The following RBFOX1 variants were observed in gnomAD, a reference collection of about 807,000 sequenced individuals.
RBFOX1 encodes the protein RNA binding protein fox-1 homolog 1.
RBFOX1 carries 8 observed loss-of-function variants against 57.7 expected under a neutral mutation model. The observed-to-expected ratio is 0.14, with a 90% confidence interval of 0.08 to 0.25. RBFOX1 has a LOEUF of 0.25. Ranked by LOEUF, RBFOX1 falls within the 10% of genes least tolerant of loss-of-function variation. RBFOX1 has a pLI of 1.00. For synonymous variants in RBFOX1, 326 were observed against 222.4 expected, an observed-to-expected ratio of 1.47 and a Z score of -4.15; for missense variants, 611 against 548.5, an observed-to-expected ratio of 1.11 and a Z score of -1.14.
intron 2 of RBFOX1, chr16:6,483,910 A>C (rs2095417579): frequency 1.2e-5 from 13 of 1,099,372 alleles, no homozygotes; most frequent in Non-Finnish European, 1.4e-5. Context: ...CGTGAATGGG[A>C]CGCGGTATGT....
chr16:6,932,315 C>G (rs1160222232), intron 3 of RBFOX1, among the ~76,000 whole-genome samples: 2 of 152,086 alleles, frequency 1.3e-5, no homozygotes, highest in Non-Finnish European at 2.9e-5. Flanking sequence ...CCCTGTTGGC[C>G]AAGCTGGTCT....
At chr16:7,254,184 T>C (rs1269057649) in intron 4 of RBFOX1, among the ~76,000 whole-genome samples, 2 of 152,140 alleles carry the variant, frequency 1.3e-5, no homozygotes, top group African/African-American at 4.8e-5. Flanking sequence ...ATGAAATAGT[T>C]TGCCTGAAAT....
chr16:6,292,888 A>G (rs898761538), intron 1 of RBFOX1, among the ~76,000 whole-genome samples: 4 of 152,130 alleles, frequency 2.6e-5, no homozygotes, highest in African/African-American at 7.2e-5. Flanking sequence ...AAAATTCTAG[A>G]CTGACATTCA....
chr16:5,793,248 C>T (rs1471073632), intron 3 of RBFOX1, among the ~76,000 whole-genome samples: 1 of 152,240 alleles, frequency 6.6e-6, no homozygotes, highest in East Asian at 1.9e-4. Context: ...CTCCTTTTGC[C>T]CACCGTGGGC....
At chr16:5,887,357 C>T (rs1348628678) in intron 4 of RBFOX1, among the ~76,000 whole-genome samples, 3 of 152,178 alleles carry the variant, frequency 2.0e-5, no homozygotes, top group African/African-American at 7.2e-5. Flanking sequence ...ATAGTACTGC[C>T]TTCAATGGAT....
At chr16:6,816,626 G>C (rs181681703) in intron 3 of RBFOX1, among the ~76,000 whole-genome samples, 1,527 of 151,562 alleles carry the variant, frequency 0.01, 20 homozygotes, top group Non-Finnish European at 0.014. Context: ...TGTAGTCCCA[G>C]CTGCTTGGGA....
At chr16:7,213,278 C>T (rs761755089) in intron 4 of RBFOX1, among the ~76,000 whole-genome samples, 2 of 152,144 alleles carry the variant, frequency 1.3e-5, no homozygotes, top group Non-Finnish European at 2.9e-5. Flanking sequence ...CTGGCTGCAA[C>T]ACATTCGCTG....
chr16:6,621,191 G>A (rs1250089616), intron 2 of RBFOX1, among the ~76,000 whole-genome samples: 1 of 152,176 alleles, frequency 6.6e-6, no homozygotes, highest in African/African-American at 2.4e-5. Context: ...GCCGGGCGCG[G>A]TGGCTCACGC....
intron 4 of RBFOX1, among the ~76,000 whole-genome samples, chr16:7,409,940 G>A (rs2098406057): frequency 1.3e-5 from 2 of 152,202 alleles, no homozygotes; most frequent in African/African-American, 4.8e-5. Flanking sequence ...GGCTGTGCCT[G>A]TGGTCTGAGC....
chr16:6,452,103 GCTCCATCCATGGCTCCTTCCTTCCATGA>G (rs2094641374), intron 2 of RBFOX1, among the ~76,000 whole-genome samples: 1 of 124,528 alleles, frequency 8.0e-6, no homozygotes, highest in Non-Finnish European at 1.7e-5. Context: ...TCCTTCCATG[GCTCCATCCATGGCTCCTTCCTTCCATGA>G]CTCCATCCAT....
chr16:6,681,284 C>T (rs1454821683), intron 3 of RBFOX1, among the ~76,000 whole-genome samples: 3 of 152,106 alleles, frequency 2.0e-5, no homozygotes, highest in African/African-American at 7.2e-5. Context: ...CACCACTGCA[C>T]TCCAGTTTAG....
At chr16:7,610,285 C>T (rs1320585629) in intron 10 of RBFOX1, among the ~76,000 whole-genome samples, 1 of 151,552 alleles carries the variant, frequency 6.6e-6, no homozygotes, top group Non-Finnish European at 1.5e-5. Context: ...ATGCCCGGAT[C>T]ATTTTTGTAT....
At chr16:6,884,044 C>G (rs923693855) in intron 3 of RBFOX1, among the ~76,000 whole-genome samples, 1 of 152,124 alleles carries the variant, frequency 6.6e-6, no homozygotes, top group African/African-American at 2.4e-5. Flanking sequence ...CAAACTGATC[C>G]TGTTAAGCAT....
At chr16:6,367,877 G>A (rs1263002148) in intron 2 of RBFOX1, among the ~76,000 whole-genome samples, 2 of 152,068 alleles carry the variant, frequency 1.3e-5, no homozygotes, top group African/African-American at 2.4e-5. Flanking sequence ...TGCCTAAATC[G>A]TCAACTCCTA....
At chr16:7,520,829 G>T (rs1403722390) in intron 5 of RBFOX1, among the ~76,000 whole-genome samples, 1 of 152,124 alleles carries the variant, frequency 6.6e-6, no homozygotes, top group Non-Finnish European at 1.5e-5. Flanking sequence ...TTTGAAAAAA[G>T]ATCCAATCAG....
At chr16:7,448,503 GACTA>G (rs768558340) in intron 4 of RBFOX1, among the ~76,000 whole-genome samples, 4 of 152,230 alleles carry the variant, frequency 2.6e-5, no homozygotes, top group East Asian at 3.9e-4. Flanking sequence ...GCTCTCATAA[GACTA>G]ACTGACTATG....
chr16:6,470,335 A>G (rs73540099), intron 2 of RBFOX1, among the ~76,000 whole-genome samples: 3,686 of 152,308 alleles, frequency 0.024, 119 homozygotes, highest in African/African-American at 0.073. Flanking sequence ...TTTCGTAGGT[A>G]TAAACTAGTC....
intron 4 of RBFOX1, among the ~76,000 whole-genome samples, chr16:7,389,314 C>G (rs560141832): frequency 3.4e-4 from 51 of 152,112 alleles, no homozygotes; most frequent in African/African-American, 1.1e-3. Context: ...TTGGTAGAGA[C>G]GAGGTCTTGC....
At chr16:6,885,641 C>T (rs756649005) in intron 3 of RBFOX1, among the ~76,000 whole-genome samples, 2 of 151,898 alleles carry the variant, frequency 1.3e-5, no homozygotes, top group Non-Finnish European at 2.9e-5. Flanking sequence ...AAGTGATTAT[C>T]CTGCCTTAGC....
Sources: gnomAD v4.1 joint callset for allele counts (sites outside exome capture counted in the v4.1 genomes callset) on GRCh38, gnomAD v4.1.1 for gene constraint, MANE v1.5 for transcripts, NCBI Gene and HGNC (gene_info 2026-07-23, HGNC 2026-07-21) for gene names.